Variants in CALN1 observed in about 807,000 individuals in gnomAD.
The protein encoded by CALN1 is calneuron 1.
Under a neutral mutation model 30.6 loss-of-function variants are expected in CALN1, and 17 were observed. The observed-to-expected ratio is 0.56, with a 90% CI of 0.38 to 0.83. The LOEUF (loss-of-function observed/expected upper bound fraction) is 0.83. Ranked by LOEUF, CALN1 falls within the 40% of genes least tolerant of loss-of-function variation. The probability of loss-of-function intolerance (pLI) is 0.00; values close to 1 mark genes in which losing one functional copy is unlikely to be tolerated. For missense variants in CALN1, 291 were observed against 354.9 expected (o/e 0.82, Z 1.45); for synonymous variants, 156 against 131.4 (o/e 1.19, Z -1.28).
chr7:71,864,143 A>T (rs547803805), intron 5 of CALN1, among the ~76,000 whole-genome samples: 27 of 152,332 alleles, frequency 1.8e-4, no homozygotes, highest in African/African-American at 5.3e-4. Context: ...ATAGAAAAAA[A>T]ATATAATTTT....
In CALN1 at chr7:72,040,475, A is replaced by C. The variant is rs2129533735; in HGVS notation, c.389-16706T>G. On this transcript the variant is annotated intron_variant, in intron 4 of 6. Coordinates refer to ENST00000395275, the MANE Select transcript of CALN1 (RefSeq NM_031468.4). Reference sequence around the variant, plus strand: ...ACCCCAGTATGGGCAACAGAGAAAGACCCTGTCTCAAAAAATAAATTAATT... The same window carrying C: ...ACCCCAGTATGGGCAACAGAGAAAGCCCCTGTCTCAAAAAATAAATTAATT... 2.0e-5 allele frequency among the ~76,000 whole-genome samples: 3 copies of C among 152,260 alleles called. No homozygotes were observed. In the Middle Eastern group the frequency reaches 0.01, roughly 518 times the overall value.
chr7:72,424,162 A>G (rs1807721304), intron 1 of CALN1, among the ~76,000 whole-genome samples: 3 of 152,138 alleles, frequency 2.0e-5, no homozygotes, highest in Admixed American at 2.0e-4. Context: ...TGGGAAAGGC[A>G]ACAGGGAGAG....
At chr7:72,414,671 A>G (rs1807367240), upstream of CALN1, among the ~76,000 whole-genome samples, 1 of 152,214 alleles carries the variant, frequency 6.6e-6, no homozygotes, top group African/African-American at 2.4e-5. Flanking sequence ...ACGACTGAGA[A>G]GCAGTATCTG....
At chr7:71,950,742 G>C (rs1796647816) in intron 5 of CALN1, among the ~76,000 whole-genome samples, 1 of 152,126 alleles carries the variant, frequency 6.6e-6, no homozygotes, top group Non-Finnish European at 1.5e-5. Flanking sequence ...ACTCCTACCT[G>C]ATCAGCCCAC....
chr7:71,887,527 C>G (rs1792985582), intron 5 of CALN1, among the ~76,000 whole-genome samples: 1 of 152,058 alleles, frequency 6.6e-6, no homozygotes, highest in Non-Finnish European at 1.5e-5. Flanking sequence ...TGAACCCCCC[C>G]ACTTCAGGTG....
At chr7:72,314,548 C>T (rs182674003) in intron 2 of CALN1, among the ~76,000 whole-genome samples, 175 of 151,258 alleles carry the variant, frequency 1.2e-3, no homozygotes, top group African/African-American at 2.9e-3. Context: ...CTCAGCCTCC[C>T]GAGTAGCTGG....
At chr7:72,365,548 A>G (rs2968501) in intron 2 of CALN1, among the ~76,000 whole-genome samples, 149,657 of 152,178 alleles carry the variant, frequency 0.98, 73,631 homozygotes, top group Middle Eastern at 1. Flanking sequence ...TCCTACCTTA[A>G]ACTCCTATGT....
intron 3 of CALN1, among the ~76,000 whole-genome samples, chr7:72,164,366 A>AAG (rs1012464615): frequency 4.4e-5 from 4 of 90,326 alleles, no homozygotes; most frequent in Non-Finnish European, 9.7e-5. Context: ...AAAAAAAAAA[A>AAG]AAGAAGAAGA....
At chr7:72,406,390 A>G (rs1223265118) in intron 1 of CALN1, among the ~76,000 whole-genome samples, 9 of 152,114 alleles carry the variant, frequency 5.9e-5, no homozygotes, top group African/African-American at 2.2e-4. Context: ...CCCAAGGTGC[A>G]TTTCCCAATG....
At chr7:72,341,540 A>G (rs1014584796) in intron 2 of CALN1, among the ~76,000 whole-genome samples, 3 of 127,016 alleles carry the variant, frequency 2.4e-5, no homozygotes, top group African/African-American at 7.9e-5. Context: ...AAAAAAACAG[A>G]CAAACAAACA....
chr7:71,826,267 C>A (rs1812469808), intron 5 of CALN1, among the ~76,000 whole-genome samples: 1 of 151,880 alleles, frequency 6.6e-6, no homozygotes, highest in African/African-American at 2.4e-5. Context: ...CAGTCGACCC[C>A]CAGAATGCAC....
chr7:72,051,734 G>A (rs529033446), intron 4 of CALN1, among the ~76,000 whole-genome samples: 1 of 152,282 alleles, frequency 6.6e-6, no homozygotes, highest in South Asian at 2.1e-4. Context: ...TCCAGAACTT[G>A]AGTACAATTT....
intron 2 of CALN1, among the ~76,000 whole-genome samples, chr7:72,367,284 C>T (rs989606770): frequency 1.3e-5 from 2 of 151,754 alleles, no homozygotes; most frequent in Non-Finnish European, 2.9e-5. Context: ...GCCAGGAGTT[C>T]GAGAATAACC....
intron 5 of CALN1, among the ~76,000 whole-genome samples, chr7:72,012,729 G>C (rs536435541): frequency 1.8e-4 from 28 of 152,234 alleles, no homozygotes; most frequent in Admixed American, 1.8e-3. Flanking sequence ...GCCACTCAGT[G>C]GTCTCCAGTG....
chr7:72,357,761 G>C (rs1028668423), intron 2 of CALN1, among the ~76,000 whole-genome samples: 1 of 150,430 alleles, frequency 6.6e-6, no homozygotes, highest in African/African-American at 2.4e-5. Flanking sequence ...AAATAAACAT[G>C]TTTATAGGAA....
rs773838658 is a variant in CALN1, at chr7:71,817,339, C to CT, written c.502-6848dup. 5.3e-4 allele frequency among the ~76,000 whole-genome samples: 80 copies of CT among 152,096 alleles called. 1 individual carries two copies. Among genetic ancestry groups the CT allele is most frequent in the Non-Finnish European group, 9.6e-4 (65 of 68,014 alleles). ...TATTACATCCCAGTTCTCCTTTGTA[C>CT]TTTTATTGGTTTCTCTCTTCTAGTT... On this transcript the variant is annotated intron_variant, in intron 5 of 6. Transcript: ENST00000395275.
At chr7:71,944,629 TTTCTGAATTTATGTAA>T (rs1433260323) in intron 5 of CALN1, among the ~76,000 whole-genome samples, 2 of 133,726 alleles carry the variant, frequency 1.5e-5, no homozygotes, top group Non-Finnish European at 3.3e-5. Context: ...AAAGAAAACA[TTTCTGAATTTATGTAA>T]TAATTTACCT....
chr7:71,809,578 AT>A (rs576364351), intron 6 of CALN1, among the ~76,000 whole-genome samples: 173 of 151,972 alleles, frequency 1.1e-3, no homozygotes, highest in African/African-American at 3.9e-3. Flanking sequence ...GTAATTAAAA[AT>A]TTTTTTTCTA....
chr7:72,315,705 T>TA (rs967642012), intron 2 of CALN1, among the ~76,000 whole-genome samples: 295 of 140,186 alleles, frequency 2.1e-3, no homozygotes, highest in Middle Eastern at 3.7e-3. Flanking sequence ...ACCCTGTCTC[T>TA]AAAAAAAAAA....
Sources: allele counts gnomAD v4.1 joint callset (sites outside exome capture counted in the v4.1 genomes callset), GRCh38; gene constraint gnomAD v4.1.1; transcripts MANE v1.5; gene names NCBI Gene and HGNC (gene_info 2026-07-23, HGNC 2026-07-21).